The following LRRC4C variants were observed in gnomAD, a reference collection of about 807,000 sequenced individuals.
LRRC4C encodes leucine-rich repeat-containing protein 4C.
In LRRC4C, 5 loss-of-function variants were observed where a neutral mutation model predicts 33.6. The ratio of observed to expected loss-of-function variants is 0.15; its 90% confidence interval spans 0.08 to 0.31. LRRC4C has a LOEUF of 0.31. Among genes scored for constraint, LRRC4C ranks in the 10% least tolerant of loss-of-function variants. The probability of loss-of-function intolerance (pLI) is 1.00; values close to 1 mark genes in which losing one functional copy is unlikely to be tolerated. For synonymous variants in LRRC4C, 329 were observed against 302.0 expected, an observed-to-expected ratio of 1.09 and a Z score of -0.93; for missense variants, 560 against 796.7, an observed-to-expected ratio of 0.70 and a Z score of 3.58.
chr11:41,346,919 C>T (rs1385834668), intron 1 of LRRC4C, among the ~76,000 whole-genome samples: 3 of 152,126 alleles, frequency 2.0e-5, no homozygotes, highest in African/African-American at 4.8e-5. Flanking sequence ...GTTCAAAATC[C>T]AGAATTTATA....
chr11:40,500,271 G>GATATATATATATATATATAT (rs377169790), intron 3 of LRRC4C, among the ~76,000 whole-genome samples: 3 of 105,030 alleles, frequency 2.9e-5, no homozygotes, highest in Non-Finnish European at 5.8e-5. Context: ...CCTAATGTCT[G>GATATATATATATATATATAT]ATATATATAT....
chr11:40,930,783 C>T (rs1157679782), intron 2 of LRRC4C, among the ~76,000 whole-genome samples: 1 of 152,140 alleles, frequency 6.6e-6, no homozygotes, highest in East Asian at 1.9e-4. Context: ...ACATCCAAGT[C>T]TAAAAATGGG....
chr11:40,512,819 A>T (rs926227840), intron 3 of LRRC4C, among the ~76,000 whole-genome samples: 1 of 152,154 alleles, frequency 6.6e-6, no homozygotes, highest in Non-Finnish European at 1.5e-5. Context: ...GGGAGTCGAC[A>T]CTTTGAAAAT....
intron 2 of LRRC4C, among the ~76,000 whole-genome samples, chr11:40,687,557 G>A (rs866911495): frequency 1.2e-4 from 19 of 152,156 alleles, no homozygotes; most frequent in South Asian, 1.2e-3. Flanking sequence ...ACACACTGCT[G>A]TTCAATCAAT....
chr11:40,585,188 G>A (rs924368188), intron 3 of LRRC4C, among the ~76,000 whole-genome samples: 1 of 152,126 alleles, frequency 6.6e-6, no homozygotes, highest in Non-Finnish European at 1.5e-5. Context: ...GAGCTAGAAT[G>A]AAGGAGCACA....
At chr11:41,194,564 G>T (rs1946101480) in intron 1 of LRRC4C, among the ~76,000 whole-genome samples, 1 of 152,114 alleles carries the variant, frequency 6.6e-6, no homozygotes, top group Non-Finnish European at 1.5e-5. Flanking sequence ...AAGTGGCCAT[G>T]TTGGACAGGC....
At chr11:40,473,254 A>G (rs891074663) in intron 3 of LRRC4C, among the ~76,000 whole-genome samples, 3 of 152,230 alleles carry the variant, frequency 2.0e-5, no homozygotes, top group African/African-American at 7.2e-5. Context: ...CTTATCCACT[A>G]CGATCAAGGC....
chr11:40,571,322 T>C (rs536289658), intron 3 of LRRC4C, among the ~76,000 whole-genome samples: 1 of 152,268 alleles, frequency 6.6e-6, no homozygotes, highest in East Asian at 1.9e-4. Flanking sequence ...GATGTTAATT[T>C]TTTTTTAAAT....
At chr11:40,362,523 C>A (rs1052130666) in intron 3 of LRRC4C, among the ~76,000 whole-genome samples, 2 of 152,142 alleles carry the variant, frequency 1.3e-5, no homozygotes, top group African/African-American at 4.8e-5. Flanking sequence ...AGTTCAAGAC[C>A]AGTCTGGCCA....
At chr11:40,374,991 T>C (rs1025154146) in intron 3 of LRRC4C, among the ~76,000 whole-genome samples, 18 of 152,230 alleles carry the variant, frequency 1.2e-4, no homozygotes, top group African/African-American at 4.3e-4. Context: ...TTATTTTATG[T>C]TAATTTTTGA....
intron 4 of LRRC4C, among the ~76,000 whole-genome samples, chr11:40,254,635 G>C (rs368472214): frequency 1.3e-5 from 2 of 152,102 alleles, no homozygotes; most frequent in Non-Finnish European, 2.9e-5. Context: ...TATGATATAC[G>C]CATATGAATA....
At chr11:40,862,607 C>T (rs551456157) in intron 2 of LRRC4C, among the ~76,000 whole-genome samples, 47 of 152,188 alleles carry the variant, frequency 3.1e-4, no homozygotes, top group South Asian at 2.1e-3. Context: ...GTGTTTCTTC[C>T]GGCTGGAAGC....
At chr11:41,001,623 AT>A (rs1199529358) in intron 1 of LRRC4C, among the ~76,000 whole-genome samples, 1 of 148,030 alleles carries the variant, frequency 6.8e-6, no homozygotes, top group East Asian at 2.0e-4. Flanking sequence ...AAAAAAAAAA[AT>A]CCACCCACAT....
chr11:40,577,361 T>G (rs2135601475), intron 3 of LRRC4C, among the ~76,000 whole-genome samples: 1 of 152,322 alleles, frequency 6.6e-6, no homozygotes, highest in Non-Finnish European at 1.5e-5. Context: ...ATTATTAGAC[T>G]GATCGTATAG....
intron 2 of LRRC4C, among the ~76,000 whole-genome samples, chr11:40,675,598 C>A (rs977151182): frequency 2.0e-5 from 3 of 152,150 alleles, no homozygotes; most frequent in African/African-American, 4.8e-5. Context: ...ATATGACTCC[C>A]CAGCTGCTGG....
At chr11:40,827,366 C>A (rs985418632) in intron 2 of LRRC4C, among the ~76,000 whole-genome samples, 5 of 151,768 alleles carry the variant, frequency 3.3e-5, no homozygotes, top group Non-Finnish European at 7.4e-5. Flanking sequence ...GTACTGTTTT[C>A]TATTATTATA....
At chr11:40,494,821 T>C (rs1954345580) in intron 3 of LRRC4C, among the ~76,000 whole-genome samples, 1 of 152,196 alleles carries the variant, frequency 6.6e-6, no homozygotes, top group Non-Finnish European at 1.5e-5. Context: ...CAGCAAAGTA[T>C]TGTATGAAGC....
At chr11:40,495,931 G>A (rs1457638013) in intron 3 of LRRC4C, among the ~76,000 whole-genome samples, 2 of 142,706 alleles carry the variant, frequency 1.4e-5, no homozygotes, top group Admixed American at 7.5e-5. Flanking sequence ...CGGGGTTCAA[G>A]CAATTCTCCT....
intron 2 of LRRC4C, among the ~76,000 whole-genome samples, chr11:40,732,214 A>G (rs1321004215): frequency 6.6e-6 from 1 of 152,180 alleles, no homozygotes; most frequent in Non-Finnish European, 1.5e-5. Flanking sequence ...ATCAGAAAAA[A>G]AAGTATGGCC....
Sources: gnomAD v4.1 joint callset for allele counts (sites outside exome capture counted in the v4.1 genomes callset) on GRCh38, gnomAD v4.1.1 for gene constraint, MANE v1.5 for transcripts, NCBI Gene and HGNC (gene_info 2026-07-23, HGNC 2026-07-21) for gene names.